Variants in CLSTN2 observed in about 807,000 individuals in gnomAD.
CLSTN2 encodes the protein calsyntenin 2.
Under a neutral mutation model 101.2 loss-of-function variants are expected in CLSTN2, and 48 were observed. The observed-to-expected ratio is 0.47, with a 90% CI of 0.38 to 0.60. The LOEUF is 0.60. CLSTN2 is among the 20% of genes least tolerant of loss of function. The pLI is 0.00. For missense variants in CLSTN2, 1,160 were observed against 1,238.2 expected, an observed-to-expected ratio of 0.94 and a Z score of 0.95; for synonymous variants, 481 against 463.6, an observed-to-expected ratio of 1.04 and a Z score of -0.48.
chr3:140,166,890 A>G (rs74883393), intron 1 of CLSTN2, among the ~76,000 whole-genome samples: 9,802 of 152,256 alleles, frequency 0.064, 1,100 homozygotes, highest in African/African-American at 0.22. Context: ...CAGGGATATT[A>G]TCTTGTCAAG....
intron 2 of CLSTN2, among the ~76,000 whole-genome samples, chr3:140,263,602 A>G (rs1268531733): frequency 6.6e-6 from 1 of 152,174 alleles, no homozygotes; most frequent in Admixed American, 6.5e-5. Context: ...AGTACCAAAT[A>G]TTATTTGTAC....
At chr3:140,352,407 C>T (rs6810326) in intron 2 of CLSTN2, among the ~76,000 whole-genome samples, 59,581 of 152,018 alleles carry the variant, frequency 0.39, 12,614 homozygotes, top group Non-Finnish European at 0.49. Flanking sequence ...CAATCTTTCC[C>T]TCCAATATCA....
intron 1 of CLSTN2, among the ~76,000 whole-genome samples, chr3:139,964,357 G>T (rs1170607773): frequency 6.6e-6 from 1 of 152,168 alleles, no homozygotes; most frequent in Non-Finnish European, 1.5e-5. Flanking sequence ...TCTAATTTGG[G>T]CCATGTTGGA....
chr3:140,309,455 G>A (rs975566620), intron 2 of CLSTN2, among the ~76,000 whole-genome samples: 1 of 152,156 alleles, frequency 6.6e-6, no homozygotes, highest in African/African-American at 2.4e-5. Context: ...GGAAAAGGAG[G>A]CAGGTACCCC....
chr3:140,142,791 G>C (rs957060452), intron 1 of CLSTN2, among the ~76,000 whole-genome samples: 4 of 152,278 alleles, frequency 2.6e-5, no homozygotes, highest in African/African-American at 9.6e-5. Flanking sequence ...AAAGTGATAA[G>C]CACCTAATTT....
chr3:140,012,404 C>G (rs1023258692), intron 1 of CLSTN2, among the ~76,000 whole-genome samples: 2 of 152,022 alleles, frequency 1.3e-5, no homozygotes, highest in African/African-American at 4.8e-5. Flanking sequence ...GACAGGCTGT[C>G]CAGAGCTTGG....
rs533332783 is a variant in CLSTN2, at chr3:140,385,329, A to G, written c.233-18300A>G. Among the ~76,000 whole-genome samples, 25 of 137,040 alleles carry G rather than the reference A, an allele frequency of 1.8e-4. No individual in the cohort carries two copies. The East Asian group carries it at 4.5e-3, about 25-fold the overall frequency. The allele number at this position is 137,040 out of a possible 152,430, so 89.9% of individuals were successfully genotyped here. The stretch of plus-strand genomic sequence containing the variant: ...GCTCAAAAGATTAGAAATTTGGCTC[A>G]TTCATTGCCAGTTGGGTCCCTGATG... On this transcript the variant is annotated intron_variant, in intron 2 of 16. Coordinates refer to ENST00000458420, the MANE Select transcript of CLSTN2 (RefSeq NM_022131.3).
In CLSTN2 at chr3:140,570,884, A is replaced by AC. The variant is rs1158475646; in HGVS notation, c.*4634dup. 3 of 151,494 alleles carry AC rather than the reference A, an allele frequency of 2.0e-5. No homozygotes were observed. Among genetic ancestry groups the AC allele is most frequent in the Admixed American group, 6.6e-5 (1 of 15,248 alleles). 9.4% of individuals were successfully genotyped at this position (151,494 alleles called of 1,614,324 possible). On this transcript the variant is annotated 3_prime_UTR_variant, in exon 17 of 17. Transcript: ENST00000458420. ...TGCTCTCATAAGCCTCTCACCAACT[A>AC]CCCAGTAGTCTTTGCCTCCAAACTG... is the stretch of plus-strand genomic sequence containing the variant.
chr3:140,485,557 G>A lies in CLSTN2; in HGVS notation c.1344+18826G>A, dbSNP rs553865847. ...TGGCTATGCCCTGCCCCCAGAGGTG[G>A]AGTCTACAGTGGCAGGCAGGCCTCC... On this transcript the variant is annotated intron_variant, in intron 8 of 16. Transcript: ENST00000458420. Among the ~76,000 whole-genome samples, 381 of 152,304 alleles carry A rather than the reference G, an allele frequency of 2.5e-3. 3 individuals carry two copies. Among genetic ancestry groups the A allele is most frequent in the African/African-American group, 8.8e-3 (366 of 41,570 alleles).
chr3:140,152,630 T>C (rs1357490601), intron 1 of CLSTN2, among the ~76,000 whole-genome samples: 1 of 152,192 alleles, frequency 6.6e-6, no homozygotes, highest in East Asian at 1.9e-4. Context: ...ACATGGGCAA[T>C]TGGTGCTCAC....
Position 140,073,686 on chromosome 3 carries a change from G to C in CLSTN2, c.110-102265G>C, listed in dbSNP as rs534424393. On this transcript the variant is annotated intron_variant, in intron 1 of 16. Coordinates refer to ENST00000458420, the MANE Select transcript of CLSTN2 (RefSeq NM_022131.3). Reference sequence around the variant, plus strand: ...TCCTTAAAGCACTGGACACTTAGCTGTAGGTGTTAAATAGATGTTGGCAGA... The same window carrying C: ...TCCTTAAAGCACTGGACACTTAGCTCTAGGTGTTAAATAGATGTTGGCAGA... 2.6e-5 allele frequency among the ~76,000 whole-genome samples: 4 copies of C among 152,354 alleles called. No homozygotes were observed. The South Asian group carries it at 8.3e-4, about 32-fold the overall frequency.
At chr3:140,178,233 A>G (rs1408064098) in intron 2 of CLSTN2, among the ~76,000 whole-genome samples, 1 of 152,188 alleles carries the variant, frequency 6.6e-6, no homozygotes, top group African/African-American at 2.4e-5. Flanking sequence ...TACAGACCAC[A>G]ATAGAAAAAA....
At chr3:140,290,104 A>T (rs1392963265) in intron 2 of CLSTN2, among the ~76,000 whole-genome samples, 4 of 151,958 alleles carry the variant, frequency 2.6e-5, no homozygotes, top group Non-Finnish European at 5.9e-5. Flanking sequence ...GCTAATAGGC[A>T]TCAGAAAAGA....
At chr3:139,940,336 C>T (rs1164799724) in intron 1 of CLSTN2, among the ~76,000 whole-genome samples, 1 of 152,156 alleles carries the variant, frequency 6.6e-6, no homozygotes, top group Non-Finnish European at 1.5e-5. Flanking sequence ...CTACTGCTTC[C>T]TAGTTAGATG....
chr3:140,355,288 T>C (rs2107945512), intron 2 of CLSTN2, among the ~76,000 whole-genome samples: 1 of 152,326 alleles, frequency 6.6e-6, no homozygotes, highest in East Asian at 1.9e-4. Context: ...AGTTGGACTA[T>C]AATTGGACTC....
intron 1 of CLSTN2, among the ~76,000 whole-genome samples, chr3:140,096,013 T>C (rs1451770965): frequency 6.6e-6 from 1 of 152,106 alleles, no homozygotes; most frequent in Non-Finnish European, 1.5e-5. Context: ...GAAGAGGAAA[T>C]TTAAGGACAC....
intron 2 of CLSTN2, among the ~76,000 whole-genome samples, chr3:140,354,763 T>G (rs2087650112): frequency 6.6e-6 from 1 of 152,238 alleles, no homozygotes; most frequent in Non-Finnish European, 1.5e-5. Context: ...AACTACCTTT[T>G]GTATAAGACA....
At chr3:139,974,802 G>A (rs1274642405) in intron 1 of CLSTN2, among the ~76,000 whole-genome samples, 1 of 152,208 alleles carries the variant, frequency 6.6e-6, no homozygotes, top group Admixed American at 6.5e-5. Flanking sequence ...TGCCTTGCAT[G>A]GTAATTTATT....
At chr3:140,140,130 GTGATGC>G (rs902961374) in intron 1 of CLSTN2, among the ~76,000 whole-genome samples, 8 of 152,180 alleles carry the variant, frequency 5.3e-5, no homozygotes, top group African/African-American at 1.4e-4. Context: ...AAGTTTCCAG[GTGATGC>G]TGATGCTGAT....
Sources: gnomAD v4.1 joint callset for allele counts (sites outside exome capture counted in the v4.1 genomes callset) on GRCh38, gnomAD v4.1.1 for gene constraint, MANE v1.5 for transcripts, NCBI Gene and HGNC (gene_info 2026-07-23, HGNC 2026-07-21) for gene names.